The following TTN variants were observed in gnomAD, a reference collection of about 807,000 sequenced individuals.
TTN encodes titin.
Under a neutral mutation model 3,223.0 loss-of-function variants are expected in TTN, and 1,525 were observed. That is an observed-to-expected ratio of 0.47 (90% CI 0.45 to 0.49). The LOEUF is 0.49. TTN is among the 20% of genes least tolerant of loss of function. The pLI is 0.00. For synonymous variants in TTN, 14,094 were observed against 15,161.0 expected (o/e 0.93, Z 5.17); for missense variants, 40,786 against 43,424.0 (o/e 0.94, Z 5.40).
chr2:178,723,627 C>T lies in TTN; in HGVS notation c.21473G>A (p.Ser7158Asn), dbSNP rs1325004608. 6.2e-7 allele frequency: 1 copy of T among 1,611,614 alleles called. No homozygotes were observed. Among genetic ancestry groups the T allele is most frequent in the Non-Finnish European group, 8.5e-7 (1 of 1,178,974 alleles). Residue 7158 changes from serine (S) to asparagine (N), a missense_variant, in exon 74 of 363, where the codon AGC becomes AAC. By Grantham distance (46) the Ser-to-Asn change is conservative. Coordinates refer to ENST00000589042, the MANE Select transcript of TTN (RefSeq NM_001267550.2). Reference sequence around the variant, plus strand: ...GAATGGAGGGGTTCCTCTAATAACGCTTGTGAAGGTTACATTTTTGCCTGG... The same window carrying T: ...GAATGGAGGGGTTCCTCTAATAACGTTTGTGAAGGTTACATTTTTGCCTGG... ...VLPGKNVTFT[S>N]VIRGTPPFKV...
rs938200368 is a variant in TTN at position 178,584,204 on chromosome 2, T to TA, written c.65275+71dup. The stretch of plus-strand genomic sequence containing the variant: ...TCTCTGTGTCTTGGAGTCCAAATCT[T>TA]AGACTCCGAGATTTAAATGTGCCTC... On this transcript the variant is annotated intron_variant, in intron 311 of 362. Coordinates refer to ENST00000589042, the MANE Select transcript of TTN (RefSeq NM_001267550.2). 7 of 1,493,884 alleles carry TA rather than the reference T, an allele frequency of 4.7e-6. No individual in the cohort carries two copies. In the African/African-American group the frequency reaches 9.8e-5, roughly 21 times the overall value. 92.5% of individuals were successfully genotyped at this position (1,493,884 alleles called of 1,614,324 possible). A position where few individuals can be genotyped will look rare whatever the true frequency, so the allele number is the denominator to read the frequency against.
rs765607630 is a variant in TTN at position 178,572,000 on chromosome 2, T to A, written c.74132A>T (p.Asp24711Val). ...RQLSVPVIAKDLVIPPAFKLL... is the reference protein window; with the variant it reads ...RQLSVPVIAKVLVIPPAFKLL... Reference sequence around the variant, plus strand: ...TTTGAAGGCTGGTGGAATGACAAGATCTTTGGCGATCACTGGCACACTCAG... The same window carrying A: ...TTTGAAGGCTGGTGGAATGACAAGAACTTTGGCGATCACTGGCACACTCAG... The change falls in exon 326 of 363, where the codon GAT becomes GTT. Residue 24711 changes from aspartate to valine, a missense_variant. Coordinates refer to ENST00000589042, the MANE Select transcript of TTN (RefSeq NM_001267550.2). 4.3e-6 allele frequency: 7 copies of A among 1,613,224 alleles called. 1 individual carries two copies. In the South Asian group the frequency reaches 7.7e-5, roughly 18 times the overall value.
chr2:178,722,263 T>C lies in TTN; in HGVS notation c.22524A>G (p.Ala7508=). 1 of 1,575,538 alleles carries C rather than the reference T, an allele frequency of 6.3e-7. No individual in the cohort carries two copies. The highest frequency in any genetic ancestry group is 1.4e-5 in the African/African-American group (1 of 73,694). The change falls in exon 77 of 363, where the codon GCA becomes GCG. Residue 7508 remains alanine, a synonymous_variant. Coordinates refer to ENST00000589042, the MANE Select transcript of TTN (RefSeq NM_001267550.2). ...GTASSSARLT[A]REPKKSPFFD... is the part of the protein sequence containing the mutation. The stretch of plus-strand genomic sequence containing the variant: ...AAGAGTGACGTGTGAACAAACCTCT[T>C]GCTGTGAGTCTAGCACTAGAAGATG...
chr2:178,709,682 T>C lies in TTN; in HGVS notation c.28637A>G (p.Asn9546Ser). 1 of 1,613,938 alleles carries C rather than the reference T, an allele frequency of 6.2e-7. No homozygotes were observed. Among genetic ancestry groups the C allele is most frequent in the Non-Finnish European group, 8.5e-7 (1 of 1,179,840 alleles). The stretch of plus-strand genomic sequence containing the variant: ...CCTGACTTGCAGCACTAACGTGTTG[T>C]TCTTGAATGTTATTTCACAGTTAGA... Reference protein sequence around the residue: ...PTSNCEITFKNNTLVLQVRKA... With the variant: ...PTSNCEITFKSNTLVLQVRKA... The change falls in exon 99 of 363, where the codon AAC becomes AGC. Residue 9546 changes from asparagine (N) to serine (S), a missense_variant. Coordinates refer to ENST00000589042, the MANE Select transcript of TTN (RefSeq NM_001267550.2).
Position 178,727,140 on chromosome 2 carries a change from GCCT to G in TTN, c.20222_20224del (p.Glu6741del). On this transcript the variant is annotated inframe_deletion, in exon 69 of 363. Coordinates refer to ENST00000589042, the MANE Select transcript of TTN (RefSeq NM_001267550.2). Reference sequence around the variant, plus strand: ...GCTTGTGCTGCCAGCGGGATTCTGAGCCTCACAAATGAAATCTCCACTGTCCTC... The same window carrying G: ...GCTTGTGCTGCCAGCGGGATTCTGAGCACAAATGAAATCTCCACTGTCCTC... 4 of 1,603,354 alleles carry G rather than the reference GCCT, an allele frequency of 2.5e-6. No homozygotes were observed. Among genetic ancestry groups the G allele is most frequent in the Non-Finnish European group, 3.4e-6 (4 of 1,173,044 alleles).
chr2:178,575,763 C>T lies in TTN; in HGVS notation c.70369G>A (p.Asp23457Asn). 6.2e-7 allele frequency: 1 copy of T among 1,613,460 alleles called. No homozygotes were observed. Among genetic ancestry groups the T allele is most frequent in the Non-Finnish European group, 8.5e-7 (1 of 1,179,558 alleles). Residue 23457 changes from aspartate (D) to asparagine (N), a missense_variant, in exon 326 of 363, where the codon GAC becomes AAC. Physicochemically the swap from Asp to Asn is conservative, Grantham distance 23 (BLOSUM62 1). Coordinates refer to ENST00000589042, the MANE Select transcript of TTN (RefSeq NM_001267550.2). The surrounding 1 kb of genome is among the most constrained non-coding windows in gnomAD (Gnocchi z 4.0). The part of the protein sequence containing the change: ...ITKDSVTLHW[D>N]LPLIDGGSRI... ...GAGCCTCCATCTATCAGAGGGAGGT[C>T]CCAGTGCAGGGTGACACTGTCCTTT...
intron 41 of TTN, among the ~76,000 whole-genome samples, chr2:178,765,918 T>G (rs527313237): frequency 3.3e-4 from 50 of 152,252 alleles, no homozygotes; most frequent in Admixed American, 1.3e-3. Flanking sequence ...AGGATCGAGT[T>G]CCACATTGCC....
rs554368924 is a variant in TTN at position 178,608,449 on chromosome 2, A to C, written c.52434T>G (p.Ile17478Met). The C allele has an allele frequency of 1.8e-5, 29 of 1,605,518 alleles. No homozygotes were observed. The highest frequency in any genetic ancestry group is 3.4e-5 in the Admixed American group (2 of 59,026). The stretch of plus-strand genomic sequence containing the variant: ...TACTGTTGCTGGTAACATCTTCCAC[A>C]ATGGGCTTATCTGGTGCATCAGGTG... ...FGPPDAPDKP[I>M]VEDVTSNSML... The change falls in exon 275 of 363, where the codon ATT becomes ATG. Residue 17478 changes from isoleucine (I) to methionine (M), a missense_variant. Transcript: ENST00000589042.
intron 46 of TTN, among the ~76,000 whole-genome samples, chr2:178,755,958 T>G (rs1330381315): frequency 6.6e-6 from 1 of 152,186 alleles, no homozygotes; most frequent in Non-Finnish European, 1.5e-5. Flanking sequence ...TGGTAAATAT[T>G]AGAAAATGCA....
In TTN at chr2:178,611,099, T is replaced by C. The variant is rs2154199506; in HGVS notation, c.51030A>G (p.Ala17010=). 6.2e-7 allele frequency: 1 copy of C among 1,612,868 alleles called. No individual in the cohort carries two copies. The highest frequency in any genetic ancestry group is 1.7e-4 in the Middle Eastern group (1 of 6,052). The change falls in exon 270 of 363, where the codon GCA becomes GCG. Residue 17010 remains alanine (A), a synonymous_variant. Coordinates refer to ENST00000589042, the MANE Select transcript of TTN (RefSeq NM_001267550.2). ...GGACACTCTTGGGAACTTCAAGGTG[T>C]GCAGAGATGTGATCATTCTTCATTG... ...RLTMKNDHIS[A]HLEVPKSVRA... is the part of the protein sequence containing the mutation.
intron 146 of TTN, 137 bp from the exon 147 acceptor site, chr2:178,677,424 T>C (rs2068345082): frequency 3.1e-6 from 2 of 641,610 alleles, no homozygotes; most frequent in Non-Finnish European, 4.5e-6. Context: ...TGAAAAGACA[T>C]TTAGATAATT....
chr2:178,609,974 G>A lies in TTN; in HGVS notation c.51449C>T (p.Pro17150Leu), dbSNP rs764792715. ...IAQDPKQPPD[P>L]PVDVEVHNPT... ...ATTATGAACCTCTACATCTACAGGT[G>A]GATCAGGGGGTTCTGAAGAACAAGA... Residue 17150 changes from proline (P) to leucine (L), a missense_variant, in exon 272 of 363, where the codon CCA (proline) becomes CTA (leucine). Pro to Leu is a moderately conservative substitution (Grantham distance 98). Transcript: ENST00000589042. 6 of 1,610,730 alleles carry A rather than the reference G, an allele frequency of 3.7e-6. No homozygotes were observed. In the African/African-American group the frequency reaches 4.0e-5, roughly 11 times the overall value.
rs1418266828 is a variant in TTN at position 178,757,745 on chromosome 2, G to A, written c.10475C>T (p.Pro3492Leu). The stretch of plus-strand genomic sequence containing the variant: ...ATGAAACCATTGGATTTCTGGCTTG[G>A]GAATGCCAGAAACCCTCGCATGAAA... ...VRFHARVSGI[P>L]KPEIQWFHNQ... Residue 3492 changes from proline (P) to leucine (L), a missense_variant, in exon 45 of 363, where the codon CCC becomes CTC. Coordinates refer to ENST00000589042, the MANE Select transcript of TTN (RefSeq NM_001267550.2). The A allele has an allele frequency of 1.9e-6, 3 of 1,613,814 alleles. No homozygotes were observed. The highest frequency in any genetic ancestry group is 1.7e-5 in the Admixed American group (1 of 60,008).
intron 312 of TTN, 85 bp downstream of exon 312, chr2:178,583,522 A>G: frequency 1.5e-6 from 2 of 1,319,718 alleles, no homozygotes; most frequent in South Asian, 1.8e-5. Flanking sequence ...TTTTTTCCTT[A>G]GGTGTATATT....
Position 178,591,233 on chromosome 2 carries a change from T to C in TTN, c.60492A>G (p.Val20164=). 6.2e-7 allele frequency: 1 copy of C among 1,613,440 alleles called. No homozygotes were observed. Among genetic ancestry groups the C allele is most frequent in the Middle Eastern group, 1.7e-4 (1 of 6,050 alleles). Residue 20164 remains valine (V), a synonymous_variant, in exon 304 of 363, where the codon GTA becomes GTG. Transcript: ENST00000589042. ...SNAAGSKTVA[V]HLTVLDVPGP... ...CAGGAACATCAAGAACAGTAAGATGTACGGCTACTGTTTTGCTACCGGCTG... is the reference window on the plus strand; with the variant it reads ...CAGGAACATCAAGAACAGTAAGATGCACGGCTACTGTTTTGCTACCGGCTG...
Position 178,697,106 on chromosome 2 carries a change from T to G in TTN, c.30802+15A>C. 6.5e-7 allele frequency: 1 copy of G among 1,528,376 alleles called. No homozygotes were observed. Among genetic ancestry groups the G allele is most frequent in the Non-Finnish European group, 8.9e-7 (1 of 1,127,232 alleles). The allele number at this position is 1,528,376 out of a possible 1,614,324, so 94.7% of individuals were successfully genotyped here. On this transcript the variant is annotated intron_variant, in intron 113 of 362. Coordinates refer to ENST00000589042, the MANE Select transcript of TTN (RefSeq NM_001267550.2). ...TCAGGAATAAACAGAATAAAAATAA[T>G]TTATCTTTATTTACCTTTTGCTGGA...
Position 178,544,439 on chromosome 2 carries a change from C to G in TTN, c.95790G>C (p.Trp31930Cys). 1 of 1,613,642 alleles carries G rather than the reference C, an allele frequency of 6.2e-7. No individual in the cohort carries two copies. Among genetic ancestry groups the G allele is most frequent in the South Asian group, 1.1e-5 (1 of 91,064 alleles). The change falls in exon 345 of 363, where the codon TGG becomes TGC. Residue 31930 changes from tryptophan to cysteine, a missense_variant. Physicochemically the swap from Trp to Cys is radical, Grantham distance 215. Transcript: ENST00000589042. ...TACCACCATCGTACATGGGTTTGGT[C>G]CATGCCAAACTAATGCTGTGTTTGG... ...DTTKHSISLAWTKPMYDGGTD... is the reference protein window; with the variant it reads ...DTTKHSISLACTKPMYDGGTD...
chr2:178,650,881 A>G (rs963896204), intron 208 of TTN, 47 bp from the exon 209 acceptor site: 1 of 1,529,418 alleles, frequency 6.5e-7, no homozygotes, highest in South Asian at 1.2e-5. Flanking sequence ...TGAGAAGTAT[A>G]TTAAATTTAT....
rs140640738 is a variant in TTN, at chr2:178,675,085, T to G, written c.34566A>C (p.Glu11522Asp). 3,191 of 1,561,344 alleles carry G rather than the reference T, an allele frequency of 2.0e-3. 44 individuals carry two copies. The South Asian group carries it at 0.021, about 10-fold the overall frequency. ...CTTCTTTAGGGAGAATGATTCGTTT[T>G]TCTTCCACCTTCTTAGGCACCTCAG... is the stretch of plus-strand genomic sequence containing the variant. ...KVPEVPKKVE[E>D]KRIILPKEEE... is the part of the protein sequence containing the mutation. The change falls in exon 150 of 363, where the codon GAA becomes GAC. Residue 11522 changes from glutamate (E) to aspartate (D), a missense_variant. Glu to Asp is a conservative substitution (Grantham distance 45). Transcript: ENST00000589042.
Sources: allele counts gnomAD v4.1 joint callset (sites outside exome capture counted in the v4.1 genomes callset), GRCh38; gene constraint gnomAD v4.1.1; non-coding constraint Gnocchi (gnomAD v3.1); transcripts MANE v1.5; gene names NCBI Gene and HGNC (gene_info 2026-07-23, HGNC 2026-07-21).